The following GRB14 variants were observed in gnomAD, a reference collection of about 807,000 sequenced individuals.
The protein encoded by GRB14 is growth factor receptor bound protein 14.
GRB14 carries 38 observed loss-of-function variants against 69.1 expected under a neutral mutation model. That is an observed-to-expected ratio of 0.55 (90% confidence interval 0.42 to 0.72). The LOEUF is 0.72. Ranked by LOEUF, GRB14 falls within the 30% of genes least tolerant of loss-of-function variation. The pLI is 0.00. For missense variants in GRB14, 666 were observed against 666.1 expected, an observed-to-expected ratio of 1.00 and a Z score of 0.00; for synonymous variants, 247 against 241.3, an observed-to-expected ratio of 1.02 and a Z score of -0.22.
intron 2 of GRB14, among the ~76,000 whole-genome samples, chr2:164,565,707 G>C (rs765486291): frequency 6.6e-6 from 1 of 152,186 alleles, no homozygotes; most frequent in Non-Finnish European, 1.5e-5. Context: ...AGCACATGAG[G>C]AACGTTCTTC....
rs1686840605 is a variant in GRB14, at chr2:164,494,498, C to T, written c.1409G>A (p.Ser470Asn). Residue 470 changes from serine to asparagine, a missense_variant, in exon 13 of 14, where the codon AGT (serine) becomes AAT (asparagine). Ser to Asn is a conservative substitution (Grantham distance 46). Transcript: ENST00000263915. ...DGVFLVRDSQ[S>N]NPKTFVLSMS... ...TGACAGTACGAAAGTTTTGGGGTTA[C>T]TCTGACTATCCCGTACCAAGAAAAC... 2 of 1,591,596 alleles carry T rather than the reference C, an allele frequency of 1.3e-6. No individual in the cohort carries two copies. The highest frequency in any genetic ancestry group is 1.7e-6 in the Non-Finnish European group (2 of 1,159,672).
chr2:164,594,101 T>G (rs895864478), intron 2 of GRB14, among the ~76,000 whole-genome samples: 5 of 152,116 alleles, frequency 3.3e-5, no homozygotes, highest in African/African-American at 1.2e-4. Context: ...AATCTTCAGC[T>G]TCCATCAGTA....
At chr2:164,547,629 A>G (rs1280345643) in intron 3 of GRB14, 31 bp downstream of exon 3, 7 of 1,561,902 alleles carry the variant, frequency 4.5e-6, no homozygotes, top group Non-Finnish European at 5.2e-6. Context: ...TAGAAAAGCA[A>G]TGATGTGAGA....
chr2:164,602,315 C>A (rs1165762326), intron 2 of GRB14, among the ~76,000 whole-genome samples: 1 of 152,030 alleles, frequency 6.6e-6, no homozygotes, highest in African/African-American at 2.4e-5. Context: ...ACACTAACAT[C>A]TTCTATACCT....
intron 4 of GRB14, 49 bp downstream of exon 4, chr2:164,526,965 T>G (rs772536935): frequency 7.2e-7 from 1 of 1,389,770 alleles, no homozygotes; most frequent in South Asian, 1.3e-5. Flanking sequence ...CACATAAAAT[T>G]TAACGGGTTC....
At chr2:164,534,079 C>T (rs994606298) in intron 3 of GRB14, among the ~76,000 whole-genome samples, 22 of 151,984 alleles carry the variant, frequency 1.4e-4, no homozygotes, top group African/African-American at 5.1e-4. Context: ...ACATACATTC[C>T]ATTCCTTCGA....
intron 2 of GRB14, among the ~76,000 whole-genome samples, chr2:164,600,839 G>A (rs1689897438): frequency 6.6e-6 from 1 of 151,966 alleles, no homozygotes; most frequent in Admixed American, 6.6e-5. Context: ...TTAAGACCCA[G>A]TATTCTCTGC....
chr2:164,563,305 G>C (rs1364038318), intron 2 of GRB14, among the ~76,000 whole-genome samples: 1 of 152,132 alleles, frequency 6.6e-6, no homozygotes, highest in Non-Finnish European at 1.5e-5. Flanking sequence ...TATGTCCAAG[G>C]CACTTGTAGA....
Position 164,618,458 on chromosome 2 carries a change from C to T in GRB14, c.324+1229G>A, listed in dbSNP as rs540428474. Among the ~76,000 whole-genome samples the T allele has an allele frequency of 2.0e-3, 297 of 152,222 alleles. 1 individual carries two copies. Among genetic ancestry groups the T allele is most frequent in the Non-Finnish European group, 2.6e-3 (178 of 68,004 alleles). On this transcript the variant is annotated intron_variant, in intron 2 of 13. Coordinates refer to ENST00000263915, the MANE Select transcript of GRB14 (RefSeq NM_004490.3). Reference sequence around the variant, plus strand: ...GGTCTCAAGAGAGTCTCCTCTTTGTCTCCCCAAACAAAGTTACAGTCCCAC... The same window carrying T: ...GGTCTCAAGAGAGTCTCCTCTTTGTTTCCCCAAACAAAGTTACAGTCCCAC...
At chr2:164,523,195 C>T (rs1367402813) in intron 5 of GRB14, among the ~76,000 whole-genome samples, 2 of 152,020 alleles carry the variant, frequency 1.3e-5, no homozygotes, top group South Asian at 2.1e-4. Context: ...GATGACCCAC[C>T]CAGCTAAACT....
At chr2:164,515,036 C>A (rs1321897226) in intron 6 of GRB14, among the ~76,000 whole-genome samples, 2 of 152,160 alleles carry the variant, frequency 1.3e-5, no homozygotes. Flanking sequence ...ACTTCCATCC[C>A]CTACAGCAGC....
rs371802730 is a variant in GRB14, at chr2:164,547,707, T to C, written c.434A>G (p.Asp145Gly). 3.1e-4 allele frequency: 496 copies of C among 1,613,748 alleles called. No individual in the cohort carries two copies. Among genetic ancestry groups the C allele is most frequent in the Non-Finnish European group, 4.1e-4 (489 of 1,179,852 alleles). Reference sequence around the variant, plus strand: ...CTCAAAAAGGGTCCAGCTGTGGTCATCAATGTAATGATTCTTCAGGATCAA... The same window carrying C: ...CTCAAAAAGGGTCCAGCTGTGGTCACCAATGTAATGATTCTTCAGGATCAA... ...QLLILKNHYI[D>G]DHSWTLFEHL... is the part of the protein sequence containing the mutation. Residue 145 changes from aspartate to glycine, a missense_variant, in exon 3 of 14, where the codon GAT (aspartate) becomes GGT (glycine). By Grantham distance (94) the Asp-to-Gly change is moderately conservative. Transcript: ENST00000263915.
chr2:164,512,396 A>G (rs949411392), intron 6 of GRB14, among the ~76,000 whole-genome samples: 2 of 152,028 alleles, frequency 1.3e-5, no homozygotes, highest in African/African-American at 4.8e-5. Flanking sequence ...CTAACTCCTG[A>G]CCTCAGGTAA....
intron 8 of GRB14, among the ~76,000 whole-genome samples, chr2:164,506,495 T>G (rs760749019): frequency 5.9e-5 from 9 of 152,192 alleles, no homozygotes; most frequent in Non-Finnish European, 1.3e-4. Context: ...GGAACTCTCA[T>G]GCATTACTGG....
chr2:164,554,619 C>T (rs3920334), intron 2 of GRB14, among the ~76,000 whole-genome samples: 64,118 of 152,016 alleles, frequency 0.42, 16,148 homozygotes, highest in Non-Finnish European at 0.56. Context: ...TCACAACAAC[C>T]TTGGCCTTTG....
chr2:164,567,800 A>C (rs746230836), intron 2 of GRB14, among the ~76,000 whole-genome samples: 1 of 152,216 alleles, frequency 6.6e-6, no homozygotes, highest in Non-Finnish European at 1.5e-5. Flanking sequence ...GTTTTTCTTA[A>C]GCAAATACGC....
At chr2:164,568,205 C>G (rs904905747) in intron 2 of GRB14, 4 of 497,928 alleles carry the variant, frequency 8.0e-6, no homozygotes, top group African/African-American at 2.0e-5. Flanking sequence ...ATTATAGGCT[C>G]TTTCAAGGGT....
At chr2:164,532,527 T>C (rs1388832186) in intron 3 of GRB14, among the ~76,000 whole-genome samples, 3 of 152,116 alleles carry the variant, frequency 2.0e-5, no homozygotes, top group Non-Finnish European at 4.4e-5. Flanking sequence ...TGGATTAAGG[T>C]AGGACCTAAA....
At chr2:164,500,780 C>T (rs991395416) in intron 9 of GRB14, among the ~76,000 whole-genome samples, 1 of 152,200 alleles carries the variant, frequency 6.6e-6, no homozygotes, top group Admixed American at 6.5e-5. Flanking sequence ...TTACCTGGCA[C>T]TGAACAAGGA....
Sources: allele counts gnomAD v4.1 joint callset (sites outside exome capture counted in the v4.1 genomes callset), GRCh38; gene constraint gnomAD v4.1.1; transcripts MANE v1.5; gene names NCBI Gene and HGNC (gene_info 2026-07-23, HGNC 2026-07-21).